KIAA1217: variants seen among roughly 807,000 people sequenced by gnomAD.
The protein encoded by KIAA1217 is sickle tail protein homolog.
Under a neutral mutation model 163.9 loss-of-function variants are expected in KIAA1217, and 88 were observed. The ratio of observed to expected loss-of-function variants is 0.54; its 90% CI spans 0.45 to 0.64. The LOEUF (loss-of-function observed/expected upper bound fraction) is 0.64, where lower values mean the gene tolerates loss of function less well. Among genes scored for constraint, KIAA1217 ranks in the 30% least tolerant of loss-of-function variants. The probability of loss-of-function intolerance (pLI) is 0.00; values close to 1 mark genes in which losing one functional copy is unlikely to be tolerated. For missense variants in KIAA1217, 2,372 were observed against 2,475.0 expected (o/e 0.96, Z 0.88); for synonymous variants, 903 against 923.1 (o/e 0.98, Z 0.39).
intron 2 of KIAA1217, among the ~76,000 whole-genome samples, chr10:24,296,066 C>A (rs1285790552): frequency 6.6e-6 from 1 of 152,126 alleles, no homozygotes. Flanking sequence ...AGACTGTCAG[C>A]CCCCATCTCA....
chr10:24,103,661 T>G (rs971112313), intron 2 of KIAA1217, among the ~76,000 whole-genome samples: 6 of 152,124 alleles, frequency 3.9e-5, no homozygotes, highest in Non-Finnish European at 7.4e-5. Flanking sequence ...TACATTTCAT[T>G]AGAGAAATGC....
chr10:24,376,890 C>A (rs1208977106), intron 2 of KIAA1217, among the ~76,000 whole-genome samples: 1 of 152,180 alleles, frequency 6.6e-6, no homozygotes, highest in Non-Finnish European at 1.5e-5. Context: ...TCTATTTTCT[C>A]AGTGGTAATC....
intron 2 of KIAA1217, among the ~76,000 whole-genome samples, chr10:24,375,507 C>G (rs1407999388): frequency 6.6e-6 from 1 of 152,102 alleles, no homozygotes; most frequent in Non-Finnish European, 1.5e-5. Context: ...TATTTTGTTC[C>G]TGGAATTTTT....
chr10:24,501,469 T>G lies in KIAA1217; in HGVS notation c.1925T>G (p.Ile642Ser). The G allele has an allele frequency of 6.2e-7, 1 of 1,613,932 alleles. No individual in the cohort carries two copies. The highest frequency in any genetic ancestry group is 8.5e-7 in the Non-Finnish European group (1 of 1,179,938). ...SQPPPVGTSA[I>S]HMSLLEMRRS... ...CCTCCACCTGTGGGCACCTCAGCCA[T>G]CCACATGAGCCTGCTTGAGATGAGG... Residue 642 changes from isoleucine (I) to serine (S), a missense_variant, in exon 9 of 21, where the codon ATC (isoleucine) becomes AGC (serine). Ile to Ser is a moderately radical substitution (Grantham distance 142). Coordinates refer to ENST00000376454, the MANE Select transcript of KIAA1217 (RefSeq NM_019590.5).
intron 9 of KIAA1217, among the ~76,000 whole-genome samples, chr10:24,513,042 G>A (rs1397477847): frequency 1.3e-5 from 2 of 152,218 alleles, no homozygotes; most frequent in Non-Finnish European, 2.9e-5. Context: ...CCTTTGTCTT[G>A]CAGGCAGTCT....
At chr10:24,083,607 A>G (rs1223098782) in intron 2 of KIAA1217, among the ~76,000 whole-genome samples, 2 of 152,254 alleles carry the variant, frequency 1.3e-5, no homozygotes, top group African/African-American at 2.4e-5. Context: ...ATGGAGAAAT[A>G]GCACTTTAAA....
chr10:23,709,145 C>A (rs1321888778), intron 1 of KIAA1217, among the ~76,000 whole-genome samples: 1 of 152,128 alleles, frequency 6.6e-6, no homozygotes, highest in Non-Finnish European at 1.5e-5. Context: ...GGCCGTTGCC[C>A]CACCAGCCTG....
intron 5 of KIAA1217, among the ~76,000 whole-genome samples, chr10:24,472,651 C>G (rs1031218519): frequency 1.3e-5 from 2 of 152,184 alleles, no homozygotes; most frequent in African/African-American, 2.4e-5. Context: ...ATTGCACTCT[C>G]CATCAGGTGT....
At chr10:24,400,500 T>C (rs935590109) in intron 3 of KIAA1217, among the ~76,000 whole-genome samples, 4 of 152,188 alleles carry the variant, frequency 2.6e-5, no homozygotes, top group Admixed American at 1.3e-4. Context: ...TAACAAATCT[T>C]GGCTCTTAAA....
chr10:24,533,968 T>C (rs1022239010), intron 16 of KIAA1217, among the ~76,000 whole-genome samples: 7 of 152,188 alleles, frequency 4.6e-5, no homozygotes, highest in African/African-American at 1.7e-4. Context: ...AAACAATTCC[T>C]AGAACAAACT....
chr10:24,367,694 A>G (rs917416665), intron 2 of KIAA1217, among the ~76,000 whole-genome samples: 1 of 152,200 alleles, frequency 6.6e-6, no homozygotes, highest in African/African-American at 2.4e-5. Context: ...TTACTTATAT[A>G]CATTTTAATA....
chr10:24,338,400 T>C (rs967330862), intron 2 of KIAA1217, among the ~76,000 whole-genome samples: 1 of 152,140 alleles, frequency 6.6e-6, no homozygotes, highest in African/African-American at 2.4e-5. Flanking sequence ...TGAAGGTTGA[T>C]ATGCAAGTGG....
At chr10:24,481,722 A>G (rs1338380680) in intron 6 of KIAA1217, 1 of 152,218 alleles carries the variant, frequency 6.6e-6, no homozygotes, top group African/African-American at 2.4e-5. Flanking sequence ...GTCTGCTTGT[A>G]CATAATTAAT....
chr10:24,234,656 CAAAAAAAAAAAAAA>C (rs71397938), intron 2 of KIAA1217, among the ~76,000 whole-genome samples: 2 of 73,356 alleles, frequency 2.7e-5, no homozygotes, highest in Admixed American at 1.6e-4. Flanking sequence ...AAAACTGTCT[CAAAAAAAAAAAAAA>C]AAAAAAAAAG....
At chr10:23,979,672 C>T (rs1446830581) in intron 1 of KIAA1217, among the ~76,000 whole-genome samples, 4 of 152,150 alleles carry the variant, frequency 2.6e-5, no homozygotes, top group Non-Finnish European at 5.9e-5. Flanking sequence ...GTGCTTGTCC[C>T]TCTCTGCCCA....
chr10:24,125,333 T>TGTGC (rs1428026491), intron 2 of KIAA1217, among the ~76,000 whole-genome samples: 1 of 126,468 alleles, frequency 7.9e-6, no homozygotes, highest in Non-Finnish European at 1.6e-5. Flanking sequence ...TGTGTGTGTG[T>TGTGC]GTGTGTGTGT....
chr10:23,774,861 C>T (rs1008784784), intron 1 of KIAA1217, among the ~76,000 whole-genome samples: 1 of 152,182 alleles, frequency 6.6e-6, no homozygotes, highest in Non-Finnish European at 1.5e-5. Context: ...AAAGCTTTAA[C>T]ATTTTTTAAC....
intron 2 of KIAA1217, among the ~76,000 whole-genome samples, chr10:24,197,753 G>A (rs2067058074): frequency 6.6e-6 from 1 of 152,000 alleles, no homozygotes; most frequent in South Asian, 2.1e-4. Flanking sequence ...CTCTTTTCCT[G>A]CTTCTCTCAA....
At chr10:24,092,608 G>A (rs1013192521) in intron 2 of KIAA1217, among the ~76,000 whole-genome samples, 2 of 151,566 alleles carry the variant, frequency 1.3e-5, no homozygotes, top group African/African-American at 4.9e-5. Flanking sequence ...GCAATAGCTT[G>A]AATGATTCTT....
Sources: allele counts gnomAD v4.1 joint callset (sites outside exome capture counted in the v4.1 genomes callset), GRCh38; gene constraint gnomAD v4.1.1; transcripts MANE v1.5; gene names NCBI Gene and HGNC (gene_info 2026-07-23, HGNC 2026-07-21).